SLC24A2: variants seen among roughly 807,000 people sequenced by gnomAD.
SLC24A2 encodes the protein sodium/potassium/calcium exchanger 2.
SLC24A2 carries 36 observed loss-of-function variants against 62.0 expected under a neutral mutation model. The ratio of observed to expected loss-of-function variants is 0.58; its 90% CI spans 0.44 to 0.77. The LOEUF (loss-of-function observed/expected upper bound fraction) is 0.77. Ranked by LOEUF, SLC24A2 falls within the 30% of genes least tolerant of loss-of-function variation. The pLI, the probability that SLC24A2 is intolerant of heterozygous loss-of-function variation, is 0.00. For missense variants in SLC24A2, 846 were observed against 817.9 expected (o/e 1.03, Z -0.42); for synonymous variants, 358 against 294.0 (o/e 1.22, Z -2.23).
the SLC24A2 span, among the ~76,000 whole-genome samples, chr9:19,881,102 T>C: frequency 0.097 from 14,769 of 152,158 alleles, 1,190 homozygotes; most frequent in African/African-American, 0.23. Context: ...AGGCACAAAG[T>C]AGGCATATCA....
chr9:19,677,583 T>C (rs1185505539), intron 2 of SLC24A2, among the ~76,000 whole-genome samples: 1 of 152,128 alleles, frequency 6.6e-6, no homozygotes, highest in Non-Finnish European at 1.5e-5. Flanking sequence ...GACCTTAAAG[T>C]TAAAAAGTTT....
chr9:19,541,445 G>A (rs980778122), intron 8 of SLC24A2, among the ~76,000 whole-genome samples: 1 of 151,922 alleles, frequency 6.6e-6, no homozygotes, highest in Admixed American at 6.6e-5. Context: ...TCAGCTGCAG[G>A]TCTGTTGGAA....
At chr9:20,021,703 CT>C in the SLC24A2 span, among the ~76,000 whole-genome samples, 2,073 of 152,258 alleles carry the variant, frequency 0.014, 37 homozygotes, top group African/African-American at 0.045. Context: ...CAACTCCCCC[CT>C]GGCCCCCAAA....
At chr9:19,567,059 G>A (rs926668083) in intron 7 of SLC24A2, among the ~76,000 whole-genome samples, 1 of 151,184 alleles carries the variant, frequency 6.6e-6, no homozygotes, top group Non-Finnish European at 1.5e-5. Flanking sequence ...GTATACATAT[G>A]TAATAAACCT....
chr9:19,721,291 T>C (rs1366917422), intron 2 of SLC24A2, among the ~76,000 whole-genome samples: 1 of 152,138 alleles, frequency 6.6e-6, no homozygotes, highest in Non-Finnish European at 1.5e-5. Flanking sequence ...CAGAGCAAAA[T>C]GATTTCAGCT....
chr9:19,530,233 C>T (rs1275930090), intron 8 of SLC24A2, among the ~76,000 whole-genome samples: 2 of 152,132 alleles, frequency 1.3e-5, no homozygotes, highest in South Asian at 2.1e-4. Context: ...CAGGATCCTA[C>T]GTGCAATGAG....
the SLC24A2 span, among the ~76,000 whole-genome samples, chr9:19,834,436 C>A: frequency 2.6e-5 from 4 of 152,258 alleles, no homozygotes; most frequent in African/African-American, 9.6e-5. Context: ...ATGCACAAGC[C>A]TCAGTAACCG....
the SLC24A2 span, among the ~76,000 whole-genome samples, chr9:20,015,467 G>C: frequency 1.3e-5 from 2 of 152,222 alleles, no homozygotes; most frequent in Non-Finnish European, 2.9e-5. Context: ...CAACATGCTT[G>C]AGCTGCTACA....
chr9:20,248,092 CGT>C, the SLC24A2 span, among the ~76,000 whole-genome samples: 1 of 152,292 alleles, frequency 6.6e-6, no homozygotes, highest in East Asian at 1.9e-4. Flanking sequence ...ACTAAATAAC[CGT>C]GTGTTCTTGT....
the SLC24A2 span, among the ~76,000 whole-genome samples, chr9:20,109,229 G>A: frequency 6.6e-6 from 1 of 152,168 alleles, no homozygotes; most frequent in South Asian, 2.1e-4. Flanking sequence ...ATCCTTAAGT[G>A]ATATATGACT....
chr9:20,038,026 A>G, the SLC24A2 span, among the ~76,000 whole-genome samples: 1 of 152,232 alleles, frequency 6.6e-6, no homozygotes, highest in East Asian at 1.9e-4. Context: ...AAATGAGCTT[A>G]TTCTCCATTA....
the SLC24A2 span, among the ~76,000 whole-genome samples, chr9:20,154,330 T>C: frequency 1.3e-4 from 19 of 151,954 alleles, no homozygotes; most frequent in East Asian, 3.3e-3. Flanking sequence ...CAGCCTGGTG[T>C]GTTTAGACAG....
At chr9:19,847,438 G>T in the SLC24A2 span, among the ~76,000 whole-genome samples, 1 of 152,038 alleles carries the variant, frequency 6.6e-6, no homozygotes, top group African/African-American at 2.4e-5. Context: ...ACTCTCAATT[G>T]CATTACCCTA....
At chr9:20,014,774 A>G in the SLC24A2 span, among the ~76,000 whole-genome samples, 1 of 152,132 alleles carries the variant, frequency 6.6e-6, no homozygotes, top group Non-Finnish European at 1.5e-5. Context: ...CAAAGGGTAC[A>G]AAGTTTCAGA....
At chr9:19,651,588 C>T (rs757057437) in intron 2 of SLC24A2, among the ~76,000 whole-genome samples, 1 of 152,158 alleles carries the variant, frequency 6.6e-6, no homozygotes, top group Non-Finnish European at 1.5e-5. Flanking sequence ...CTCTTTTCCC[C>T]GTTTTCTCCC....
chr9:20,052,768 C>T, the SLC24A2 span, among the ~76,000 whole-genome samples: 1 of 152,170 alleles, frequency 6.6e-6, no homozygotes, highest in Non-Finnish European at 1.5e-5. Flanking sequence ...GAAATGTAGA[C>T]TCTTATTCAG....
chr9:19,991,886 T>C, the SLC24A2 span, among the ~76,000 whole-genome samples: 2 of 151,904 alleles, frequency 1.3e-5, no homozygotes, highest in South Asian at 4.2e-4. Flanking sequence ...ACAGTGGAGA[T>C]GGAGAGGAGG....
the SLC24A2 span, among the ~76,000 whole-genome samples, chr9:19,836,223 G>T: frequency 1.3e-5 from 2 of 152,030 alleles, no homozygotes; most frequent in Admixed American, 1.3e-4. Context: ...AAATAACTAA[G>T]ATCAGAGCAG....
At chr9:20,141,661 A>G in the SLC24A2 span, among the ~76,000 whole-genome samples, 1 of 151,868 alleles carries the variant, frequency 6.6e-6, no homozygotes, top group Non-Finnish European at 1.5e-5. Flanking sequence ...TCTCTTTGAT[A>G]CTTGAATCAT....
Sources: gnomAD v4.1 joint callset for allele counts (sites outside exome capture counted in the v4.1 genomes callset) on GRCh38, gnomAD v4.1.1 for gene constraint, MANE v1.5 for transcripts, NCBI Gene and HGNC (gene_info 2026-07-23, HGNC 2026-07-21) for gene names.